Variants in S1PR1 observed in about 807,000 individuals in gnomAD.
The protein encoded by S1PR1 is sphingosine 1-phosphate receptor 1.
Under a neutral mutation model 18.3 loss-of-function variants are expected in S1PR1, and 2 were observed. The ratio of observed to expected loss-of-function variants is 0.11; its 90% CI spans 0.04 to 0.34. The LOEUF is 0.34. Ranked by LOEUF, S1PR1 falls within the 10% of genes least tolerant of loss-of-function variation. The pLI is 1.00. For missense variants in S1PR1, 335 were observed against 493.8 expected (o/e 0.68, Z 3.05); for synonymous variants, 222 against 211.2 (o/e 1.05, Z -0.44).
intron 1 of S1PR1, chr1:101,237,942 T>A (rs1652760534): frequency 7.0e-6 from 1 of 143,620 alleles, no homozygotes; most frequent in Admixed American, 7.3e-5. Flanking sequence ...CTGCAATCTG[T>A]TATGAATGGT....
Position 101,240,240 on chromosome 1 carries a change from T to C in S1PR1, c.*107T>C, listed in dbSNP as rs1393132557. 3 of 1,228,742 alleles carry C rather than the reference T, an allele frequency of 2.4e-6. No homozygotes were observed. In the South Asian group the frequency reaches 4.2e-5, roughly 17 times the overall value. The allele number at this position is 1,228,742 out of a possible 1,614,324, so 76.1% of individuals were successfully genotyped here. ...TCGACTGCTGCCAGGGAGGAGCTGCTGCAAGCCAGAGGGAGGAAGGGGGAG... is the reference window on the plus strand; with the variant it reads ...TCGACTGCTGCCAGGGAGGAGCTGCCGCAAGCCAGAGGGAGGAAGGGGGAG... On this transcript the variant is annotated 3_prime_UTR_variant, in exon 2 of 2. Coordinates refer to ENST00000305352, the MANE Select transcript of S1PR1 (RefSeq NM_001400.5).
In S1PR1 at chr1:101,240,288, C is replaced by T; in HGVS notation, c.*155C>T. 1 of 749,430 alleles carries T rather than the reference C, an allele frequency of 1.3e-6. No individual in the cohort carries two copies. The highest frequency in any genetic ancestry group is 2.7e-5 in the East Asian group (1 of 37,214). The allele number at this position is 749,430 out of a possible 1,614,324, so 46.4% of individuals were successfully genotyped here. A position where few individuals can be genotyped will look rare whatever the true frequency, so the allele number is the denominator to read the frequency against. On this transcript the variant is annotated 3_prime_UTR_variant, in exon 2 of 2. Coordinates refer to ENST00000305352, the MANE Select transcript of S1PR1 (RefSeq NM_001400.5). ...GAGAATACGAACAGCCTGGTGGTGT[C>T]GGGTGTTGGTGGGTAGAGTTAGTTC... is the stretch of plus-strand genomic sequence containing the variant.
At chr1:101,237,125 C>A (rs1353884291) in intron 1 of S1PR1, 26 bp downstream of exon 1, 1 of 152,092 alleles carries the variant, frequency 6.6e-6, no homozygotes, top group African/African-American at 2.4e-5. Flanking sequence ...TGGCGGGGGT[C>A]GCGGGCGCGG....
At chr1:101,238,000 G>A (rs1257824162) in intron 1 of S1PR1, 1 of 136,024 alleles carries the variant, frequency 7.4e-6, no homozygotes, top group African/African-American at 2.7e-5. Context: ...GGGGTGGGGG[G>A]TGGGGTGGGG....
chr1:101,239,052 A>T lies in S1PR1; in HGVS notation c.68A>T (p.Asp23Val). 1.9e-6 allele frequency: 3 copies of T among 1,614,232 alleles called. No homozygotes were observed. The highest frequency in any genetic ancestry group is 2.5e-6 in the Non-Finnish European group (3 of 1,180,038). Reference sequence around the variant, plus strand: ...TCGGTCTCTGACTACGTCAACTATGATATCATCGTCCGGCATTACAACTAC... The same window carrying T: ...TCGGTCTCTGACTACGTCAACTATGTTATCATCGTCCGGCATTACAACTAC... ...RSSVSDYVNYDIIVRHYNYTG... is the reference protein window; with the variant it reads ...RSSVSDYVNYVIIVRHYNYTG... The change falls in exon 2 of 2, where the codon GAT becomes GTT. Residue 23 changes from aspartate to valine, a missense_variant. Physicochemically the swap from Asp to Val is radical, Grantham distance 152 (BLOSUM62 -3). Transcript: ENST00000305352. This position sits in a 1 kb window ranked among gnomAD's most constrained non-coding sequence, Gnocchi z 6.3.
intron 1 of S1PR1, chr1:101,238,338 T>G (rs1226516219): frequency 1.3e-5 from 2 of 151,812 alleles, no homozygotes; most frequent in African/African-American, 4.9e-5. Context: ...GGCAGTTGAG[T>G]CTTTTCCGAG....
chr1:101,239,987 G>T lies in S1PR1; in HGVS notation c.1003G>T (p.Asp335Tyr). 3 of 1,614,148 alleles carry T rather than the reference G, an allele frequency of 1.9e-6. No individual in the cohort carries two copies. The highest frequency in any genetic ancestry group is 1.7e-6 in the Non-Finnish European group (2 of 1,180,048). ...IMSCCKCPSGDSAGKFKRPII... is the reference protein window; with the variant it reads ...IMSCCKCPSGYSAGKFKRPII... Reference sequence around the variant, plus strand: ...GTCCTGCTGCAAGTGCCCGAGCGGAGACTCTGCTGGCAAATTCAAGCGACC... The same window carrying T: ...GTCCTGCTGCAAGTGCCCGAGCGGATACTCTGCTGGCAAATTCAAGCGACC... Residue 335 changes from aspartate to tyrosine, a missense_variant, in exon 2 of 2, where the codon GAC (aspartate) becomes TAC (tyrosine). Around this residue, in one of 3 missense-constraint regions of S1PR1, gnomAD observed 90 missense variants for 97.6 expected, o/e 0.92. Coordinates refer to ENST00000305352, the MANE Select transcript of S1PR1 (RefSeq NM_001400.5). The surrounding 1 kb of genome is among the most constrained non-coding windows in gnomAD (Gnocchi z 6.3).
downstream of S1PR1, among the ~76,000 whole-genome samples, chr1:101,242,194 C>T (rs1652933184): frequency 6.6e-6 from 1 of 152,076 alleles, no homozygotes; most frequent in Admixed American, 6.6e-5. Context: ...ATTAATTTTT[C>T]CAACTACAAA....
At position 101,241,049 on chromosome 1, in the gene S1PR1, T is replaced by A. The variant is rs201502048; in HGVS notation, c.*916T>A. Reference sequence around the variant, plus strand: ...ATGAGTCTAACAAATATGACATCTGTCTTTGGCACTTTTGTTGATGTTTAT... The same window carrying A: ...ATGAGTCTAACAAATATGACATCTGACTTTGGCACTTTTGTTGATGTTTAT... On this transcript the variant is annotated 3_prime_UTR_variant, in exon 2 of 2. Coordinates refer to ENST00000305352, the MANE Select transcript of S1PR1 (RefSeq NM_001400.5). The A allele has an allele frequency of 6.0e-6, 1 of 167,100 alleles. No homozygotes were observed. The highest frequency in any genetic ancestry group is 1.5e-5 in the Non-Finnish European group (1 of 68,126). The allele number at this position is 167,100 out of a possible 1,614,324, so 10.4% of individuals were successfully genotyped here.
Position 101,238,907 on chromosome 1 carries a change from A to G in S1PR1, c.-78A>G. The stretch of plus-strand genomic sequence containing the variant: ...CATCGAACCACCCCTGAAGCCAGTG[A>G]AGGCTCTCTCGCCTCGCCCTCTAGC... On this transcript the variant is annotated 5_prime_UTR_variant, in exon 2 of 2. Transcript: ENST00000305352. The G allele has an allele frequency of 4.3e-6, 6 of 1,408,226 alleles. No individual in the cohort carries two copies. Among genetic ancestry groups the G allele is most frequent in the Non-Finnish European group, 4.8e-6 (5 of 1,049,542 alleles). The allele number at this position is 1,408,226 out of a possible 1,614,324, so 87.2% of individuals were successfully genotyped here. A position where few individuals can be genotyped will look rare whatever the true frequency, so the allele number is the denominator to read the frequency against.
At chr1:101,241,936 A>C (rs1408405653), downstream of S1PR1, among the ~76,000 whole-genome samples, 1 of 152,154 alleles carries the variant, frequency 6.6e-6, no homozygotes, top group Non-Finnish European at 1.5e-5. Flanking sequence ...CCATCAAAAA[A>C]GCATACATTC....
At chr1:101,237,910 T>C (rs991394415) in intron 1 of S1PR1, among the ~76,000 whole-genome samples, 3 of 150,278 alleles carry the variant, frequency 2.0e-5, no homozygotes, top group Admixed American at 6.7e-5. Context: ...AATCAACTAA[T>C]GTACGAAACT....
At chr1:101,242,230 G>C (rs773890653), downstream of S1PR1, among the ~76,000 whole-genome samples, 1 of 152,188 alleles carries the variant, frequency 6.6e-6, no homozygotes, top group Non-Finnish European at 1.5e-5. Context: ...AAGCATCACA[G>C]ACTTATTGTA....
rs7549921 is a variant in S1PR1, at chr1:101,239,979, C to T, written c.995C>T (p.Pro332Leu). 5.6e-6 allele frequency: 9 copies of T among 1,613,982 alleles called. No individual in the cohort carries two copies. Among genetic ancestry groups the T allele is most frequent in the Admixed American group, 3.3e-5 (2 of 59,994 alleles). ...CGGATCATGTCCTGCTGCAAGTGCC[C>T]GAGCGGAGACTCTGCTGGCAAATTC... ...FIRIMSCCKC[P>L]SGDSAGKFKR... is the part of the protein sequence containing the mutation. Residue 332 changes from proline to leucine, a missense_variant, in exon 2 of 2, where the codon CCG becomes CTG. Physicochemically the swap from Pro to Leu is moderately conservative, Grantham distance 98. This residue lies in a region of S1PR1 where 90 missense variants were observed against 97.6 expected (regional missense o/e 0.92). Coordinates refer to ENST00000305352, the MANE Select transcript of S1PR1 (RefSeq NM_001400.5). The surrounding 1 kb of genome is among the most constrained non-coding windows in gnomAD (Gnocchi z 6.3).
chr1:101,240,121 C>T lies in S1PR1; in HGVS notation c.1137C>T (p.Asn379=), dbSNP rs200105170. 2 of 1,613,108 alleles carry T rather than the reference C, an allele frequency of 1.2e-6. No homozygotes were observed. The highest frequency in any genetic ancestry group is 1.7e-6 in the Non-Finnish European group (2 of 1,180,046). ...CCATTATGTCTTCTGGAAACGTCAA[C>T]TCTTCTTCCTAGAACTGGAAGCTGT... ...PETIMSSGNV[N]SSS Residue 379 remains asparagine (N), a synonymous_variant, in exon 2 of 2, where the codon AAC becomes AAT. Transcript: ENST00000305352.
rs1652798990 is a variant in S1PR1, at chr1:101,238,959, C to T, written c.-26C>T. ...TTCGTCTGGAGTAGCGCCACCCCGGCTTCCTGGGGACACAGGGTTGGCACC... is the reference window on the plus strand; with the variant it reads ...TTCGTCTGGAGTAGCGCCACCCCGGTTTCCTGGGGACACAGGGTTGGCACC... On this transcript the variant is annotated 5_prime_UTR_variant, in exon 2 of 2. Transcript: ENST00000305352. 1 of 1,588,434 alleles carries T rather than the reference C, an allele frequency of 6.3e-7. No individual in the cohort carries two copies. The highest frequency in any genetic ancestry group is 1.8e-5 in the Admixed American group (1 of 56,354).
At position 101,240,875 on chromosome 1, in the gene S1PR1, T is replaced by G. The variant is rs201631037; in HGVS notation, c.*742T>G. On this transcript the variant is annotated 3_prime_UTR_variant, in exon 2 of 2. Coordinates refer to ENST00000305352, the MANE Select transcript of S1PR1 (RefSeq NM_001400.5). ...CAATGAAATGTGTTACCATTTCATA[T>G]CCATTGAAGCCGAAATCTGCATAAG... The G allele has an allele frequency of 6.0e-6, 1 of 167,228 alleles. No individual in the cohort carries two copies. The highest frequency in any genetic ancestry group is 1.5e-5 in the Non-Finnish European group (1 of 68,112). The allele number at this position is 167,228 out of a possible 1,614,324, so 10.4% of individuals were successfully genotyped here.
At chr1:101,238,476 G>A (rs1364550560) in intron 1 of S1PR1, among the ~76,000 whole-genome samples, 1 of 151,526 alleles carries the variant, frequency 6.6e-6, no homozygotes, top group Non-Finnish European at 1.5e-5. Context: ...AAAATGGGGT[G>A]TAGTTCTCTA....
At position 101,240,830 on chromosome 1, in the gene S1PR1, T is replaced by C. The variant is rs1174825463; in HGVS notation, c.*697T>C. ...GGAATTTGGTTGAAGTCACTTTGAT[T>C]TCTTTAAAAAACATCTTTTCAATGA... On this transcript the variant is annotated 3_prime_UTR_variant, in exon 2 of 2. Transcript: ENST00000305352. 1 of 167,270 alleles carries C rather than the reference T, an allele frequency of 6.0e-6. No individual in the cohort carries two copies. Among genetic ancestry groups the C allele is most frequent in the Non-Finnish European group, 1.5e-5 (1 of 68,126 alleles). The allele number at this position is 167,270 out of a possible 1,614,324, so 10.4% of individuals were successfully genotyped here. A position where few individuals can be genotyped will look rare whatever the true frequency, so the allele number is the denominator to read the frequency against.
Sources: gnomAD v4.1 joint callset for allele counts (sites outside exome capture counted in the v4.1 genomes callset) on GRCh38, gnomAD v4.1.1 for gene constraint, gnomAD v4.1.1 regional missense constraint, Gnocchi (gnomAD v3.1) non-coding constraint, MANE v1.5 for transcripts, NCBI Gene and HGNC (gene_info 2026-07-23, HGNC 2026-07-21) for gene names.